KCNH8: variants seen among roughly 807,000 people sequenced by gnomAD.
KCNH8 encodes the protein voltage-gated delayed rectifier potassium channel KCNH8.
Under a neutral mutation model 103.6 loss-of-function variants are expected in KCNH8, and 70 were observed. The ratio of observed to expected loss-of-function variants is 0.68; its 90% CI spans 0.56 to 0.82. The LOEUF is 0.82. KCNH8 is among the 40% of genes least tolerant of loss of function. The probability of loss-of-function intolerance (pLI) is 0.00; values close to 1 mark genes in which losing one functional copy is unlikely to be tolerated. For synonymous variants in KCNH8, 498 were observed against 489.4 expected (o/e 1.02, Z -0.23); for missense variants, 1,217 against 1,329.9 (o/e 0.92, Z 1.32).
intron 3 of KCNH8, among the ~76,000 whole-genome samples, chr3:19,299,367 C>T (rs1050539951): frequency 6.6e-5 from 10 of 152,156 alleles, no homozygotes; most frequent in East Asian, 1.9e-4. Flanking sequence ...CAGTGGCTCC[C>T]GCCTGTAATC....
At chr3:19,473,720 T>C (rs1259783121) in intron 11 of KCNH8, among the ~76,000 whole-genome samples, 3 of 152,342 alleles carry the variant, frequency 2.0e-5, no homozygotes, top group Admixed American at 2.0e-4. Flanking sequence ...GAATGTATCA[T>C]ATTTGCCAAC....
intron 3 of KCNH8, among the ~76,000 whole-genome samples, chr3:19,337,773 T>C (rs375870757): frequency 6.6e-6 from 1 of 152,136 alleles, no homozygotes; most frequent in East Asian, 1.9e-4. Context: ...AGTAATCTCC[T>C]ATCAACTTCT....
At chr3:19,510,581 C>T (rs1349972161) in intron 12 of KCNH8, among the ~76,000 whole-genome samples, 180 bp downstream of exon 12, 2 of 152,188 alleles carry the variant, frequency 1.3e-5, no homozygotes, top group African/African-American at 2.4e-5. Flanking sequence ...AATTGAAACT[C>T]ATAGTTCTAT....
chr3:19,301,679 A>G (rs1183581740), intron 3 of KCNH8, among the ~76,000 whole-genome samples: 1 of 151,924 alleles, frequency 6.6e-6, no homozygotes, highest in Non-Finnish European at 1.5e-5. Context: ...GTTAGTGAAG[A>G]CCCCACAGGT....
chr3:19,475,000 T>C (rs552830272), intron 11 of KCNH8, among the ~76,000 whole-genome samples: 54 of 152,286 alleles, frequency 3.5e-4, no homozygotes, highest in African/African-American at 1.3e-3. Context: ...TTAGACTCAA[T>C]ACACATACAA....
chr3:19,184,574 T>C (rs1437292128), intron 1 of KCNH8, among the ~76,000 whole-genome samples: 3 of 152,022 alleles, frequency 2.0e-5, no homozygotes, highest in Non-Finnish European at 2.9e-5. Context: ...ATGATAATGA[T>C]ATTTCGTTTT....
At chr3:19,170,110 A>G (rs2063326634) in intron 1 of KCNH8, among the ~76,000 whole-genome samples, 1 of 152,182 alleles carries the variant, frequency 6.6e-6, no homozygotes. Context: ...ATTTCATGCT[A>G]TCAAATTTTT....
At chr3:19,490,156 C>T (rs1457333744) in intron 11 of KCNH8, among the ~76,000 whole-genome samples, 4 of 152,344 alleles carry the variant, frequency 2.6e-5, no homozygotes, top group South Asian at 4.1e-4. Context: ...CTCCACAGGG[C>T]AGGCCTAAGC....
intron 1 of KCNH8, among the ~76,000 whole-genome samples, chr3:19,232,221 T>C (rs1241134529): frequency 6.6e-6 from 1 of 152,192 alleles, no homozygotes; most frequent in Admixed American, 6.5e-5. Context: ...AATCAATAGA[T>C]TGCAAATGTC....
chr3:19,284,561 GAGAGAGAGAA>G (rs934633672), intron 3 of KCNH8, among the ~76,000 whole-genome samples: 1 of 151,342 alleles, frequency 6.6e-6, no homozygotes, highest in South Asian at 2.1e-4. Context: ...GTGAGGGAGA[GAGAGAGAGAA>G]AGAGAGAGAC....
chr3:19,220,923 G>A (rs2063867252), intron 1 of KCNH8, among the ~76,000 whole-genome samples: 1 of 152,162 alleles, frequency 6.6e-6, no homozygotes, highest in Non-Finnish European at 1.5e-5. Flanking sequence ...TGAAGCCTAA[G>A]CTTTGGGGCC....
At chr3:19,175,455 C>T (rs959661953) in intron 1 of KCNH8, among the ~76,000 whole-genome samples, 1 of 152,072 alleles carries the variant, frequency 6.6e-6, no homozygotes, top group Non-Finnish European at 1.5e-5. Flanking sequence ...GTGATCCGTC[C>T]GCCTCGGCCT....
chr3:19,351,400 C>A (rs922326731), intron 5 of KCNH8, among the ~76,000 whole-genome samples: 4 of 152,036 alleles, frequency 2.6e-5, no homozygotes, highest in African/African-American at 9.7e-5. Flanking sequence ...CAGACGTACA[C>A]CTCAAGAAGA....
intron 13 of KCNH8, among the ~76,000 whole-genome samples, chr3:19,514,076 C>T (rs997124856): frequency 3.3e-5 from 5 of 151,946 alleles, no homozygotes; most frequent in African/African-American, 1.2e-4. Flanking sequence ...CTTCTCAGAA[C>T]CCTATAAAGT....
chr3:19,204,837 G>T (rs2125220368), intron 1 of KCNH8, among the ~76,000 whole-genome samples: 1 of 152,132 alleles, frequency 6.6e-6, no homozygotes, highest in African/African-American at 2.4e-5. Context: ...AAATCAAGAT[G>T]CTTTTAATGA....
intron 1 of KCNH8, among the ~76,000 whole-genome samples, chr3:19,214,863 A>G (rs756474507): frequency 6.6e-6 from 1 of 152,214 alleles, no homozygotes; most frequent in African/African-American, 2.4e-5. Flanking sequence ...CACCTTCAAC[A>G]TGTTCTCCCT....
At chr3:19,418,563 A>G (rs952178072) in intron 7 of KCNH8, among the ~76,000 whole-genome samples, 2 of 152,040 alleles carry the variant, frequency 1.3e-5, no homozygotes, top group African/African-American at 2.4e-5. Context: ...ATATCTGTGG[A>G]TCTGATCAAG....
intron 11 of KCNH8, among the ~76,000 whole-genome samples, chr3:19,493,268 C>G (rs79047528): frequency 6.6e-6 from 1 of 152,070 alleles, no homozygotes; most frequent in South Asian, 2.1e-4. Flanking sequence ...TGAACAGGAA[C>G]GGGGAGAGTG....
chr3:19,510,312 C>G (rs768910620), intron 11 of KCNH8, 51 bp from the exon 12 acceptor site: 16 of 1,171,408 alleles, frequency 1.4e-5, no homozygotes, highest in Non-Finnish European at 2.1e-5. Flanking sequence ...TCACCCAGTC[C>G]CAAACCACCA....
Sources: gnomAD v4.1 joint callset for allele counts (sites outside exome capture counted in the v4.1 genomes callset) on GRCh38, gnomAD v4.1.1 for gene constraint, MANE v1.5 for transcripts, NCBI Gene and HGNC (gene_info 2026-07-23, HGNC 2026-07-21) for gene names.